Variants in CREB5 observed in about 807,000 individuals in gnomAD.
CREB5 encodes cAMP responsive element binding protein 5.
CREB5 carries 19 observed loss-of-function variants against 57.1 expected under a neutral mutation model. That is an observed-to-expected ratio of 0.33 (90% CI 0.23 to 0.49). CREB5 has a LOEUF of 0.49. Ranked by LOEUF, CREB5 falls within the 20% of genes least tolerant of loss-of-function variation. The pLI, the probability that CREB5 is intolerant of heterozygous loss-of-function variation, is 0.99. For missense variants in CREB5, 579 were observed against 671.6 expected (o/e 0.86, Z 1.52); for synonymous variants, 238 against 238.3 (o/e 1.00, Z 0.01).
chr7:28,410,280 C>A (rs750096149), upstream of CREB5: 2 of 456,390 alleles, frequency 4.4e-6, no homozygotes, highest in Non-Finnish European at 8.8e-6. Context: ...CCTGCCTCCG[C>A]TGCTTTCTTG....
chr7:28,771,559 C>G (rs1806325212), intron 7 of CREB5, among the ~76,000 whole-genome samples: 1 of 152,120 alleles, frequency 6.6e-6, no homozygotes. Context: ...TCTTATCAGG[C>G]TCCCGGTACG....
intron 4 of CREB5, among the ~76,000 whole-genome samples, chr7:28,535,423 A>G (rs1365371391): frequency 7.2e-6 from 1 of 139,082 alleles, no homozygotes; most frequent in Non-Finnish European, 1.6e-5. Context: ...AGAGGGAGGC[A>G]GGGAAGGAAG....
chr7:28,804,612 T>C, intron 8 of CREB5, 90 bp downstream of exon 8: 1 of 1,487,658 alleles, frequency 6.7e-7, no homozygotes, highest in Non-Finnish European at 9.2e-7. Flanking sequence ...GCAATCTTGT[T>C]TGACAAGCCC....
chr7:28,676,469 C>A (rs1800325263), intron 5 of CREB5, among the ~76,000 whole-genome samples: 1 of 152,186 alleles, frequency 6.6e-6, no homozygotes. Flanking sequence ...CCCTTGATGA[C>A]TCACAGGTCG....
At chr7:28,572,419 C>T (rs969033611) in intron 5 of CREB5, among the ~76,000 whole-genome samples, 1 of 152,186 alleles carries the variant, frequency 6.6e-6, no homozygotes, top group Non-Finnish European at 1.5e-5. Context: ...GGAGTAGATT[C>T]ATTAAAGACA....
intron 5 of CREB5, among the ~76,000 whole-genome samples, chr7:28,630,884 T>C (rs140164745): frequency 1.8e-4 from 27 of 152,286 alleles, no homozygotes; most frequent in African/African-American, 6.3e-4. Flanking sequence ...TCCCTTGTAT[T>C]CCAGGCAGAG....
chr7:28,536,796 C>G (rs1347874702), intron 4 of CREB5, among the ~76,000 whole-genome samples: 1 of 152,114 alleles, frequency 6.6e-6, no homozygotes, highest in South Asian at 2.1e-4. Flanking sequence ...AATTCTCATA[C>G]AACCCTAAAA....
At chr7:28,561,953 C>T (rs1348924913) in intron 4 of CREB5, among the ~76,000 whole-genome samples, 2 of 152,220 alleles carry the variant, frequency 1.3e-5, no homozygotes, top group East Asian at 3.9e-4. Context: ...GCCATGTTGG[C>T]CAGGCTGGTC....
At chr7:28,383,914 A>T (rs1057497884) in intron 1 of CREB5, among the ~76,000 whole-genome samples, 1 of 152,172 alleles carries the variant, frequency 6.6e-6, no homozygotes, top group Non-Finnish European at 1.5e-5. Flanking sequence ...TAATATTTAA[A>T]TTTTACTTTT....
intron 7 of CREB5, among the ~76,000 whole-genome samples, chr7:28,794,236 A>T (rs1459829772): frequency 1.3e-5 from 2 of 152,242 alleles, no homozygotes; most frequent in East Asian, 3.8e-4. Flanking sequence ...ATAAGCCCTT[A>T]CCTAAAGTTA....
At chr7:28,612,545 T>G (rs1463539725) in intron 5 of CREB5, among the ~76,000 whole-genome samples, 259 of 43,050 alleles carry the variant, frequency 6.0e-3, no homozygotes, top group African/African-American at 0.034. Context: ...AGAGAAGGGG[T>G]GTGTGTGTGT....
chr7:28,586,417 T>G (rs770640201), intron 5 of CREB5, among the ~76,000 whole-genome samples: 11 of 152,144 alleles, frequency 7.2e-5, no homozygotes, highest in Non-Finnish European at 1.3e-4. Flanking sequence ...TAAAGAAACT[T>G]CCCACAGTTC....
chr7:28,374,817 A>T (rs1263051208), intron 1 of CREB5, among the ~76,000 whole-genome samples: 1 of 152,158 alleles, frequency 6.6e-6, no homozygotes, highest in Non-Finnish European at 1.5e-5. Flanking sequence ...GGGAATATCC[A>T]TCCCAGGTTC....
chr7:28,502,857 T>C (rs1325605409), intron 3 of CREB5, among the ~76,000 whole-genome samples: 2 of 152,172 alleles, frequency 1.3e-5, no homozygotes, highest in African/African-American at 4.8e-5. Context: ...TTTTAACCAT[T>C]GAGGAAAATG....
At chr7:28,789,416 C>T (rs1807532279) in intron 7 of CREB5, among the ~76,000 whole-genome samples, 1 of 152,214 alleles carries the variant, frequency 6.6e-6, no homozygotes, top group Non-Finnish European at 1.5e-5. Flanking sequence ...TCAGTCCCCT[C>T]TCCCCATCCT....
intron 1 of CREB5, among the ~76,000 whole-genome samples, chr7:28,359,227 A>T (rs562840425): frequency 1.6e-4 from 23 of 142,084 alleles, no homozygotes; most frequent in Admixed American, 7.8e-4. Context: ...AAACAAATAA[A>T]AAAAAAAAAG....
At chr7:28,798,571 G>T (rs1385407362) in intron 7 of CREB5, among the ~76,000 whole-genome samples, 2 of 152,230 alleles carry the variant, frequency 1.3e-5, no homozygotes, top group African/African-American at 4.8e-5. Flanking sequence ...GAGGCGAATA[G>T]TTGGTTCCTT....
At chr7:28,772,368 G>A (rs977355680) in intron 7 of CREB5, among the ~76,000 whole-genome samples, 1 of 152,194 alleles carries the variant, frequency 6.6e-6, no homozygotes, top group Non-Finnish European at 1.5e-5. Context: ...ATGGAGAGCA[G>A]GGTGCTCAGG....
intron 5 of CREB5, among the ~76,000 whole-genome samples, chr7:28,661,960 T>C (rs1003250316): frequency 3.3e-5 from 5 of 152,230 alleles, no homozygotes; most frequent in African/African-American, 1.2e-4. Flanking sequence ...AGAAACATCA[T>C]GTAATAGGGA....
Sources: gnomAD v4.1 joint callset for allele counts (sites outside exome capture counted in the v4.1 genomes callset) on GRCh38, gnomAD v4.1.1 for gene constraint, MANE v1.5 for transcripts, NCBI Gene and HGNC (gene_info 2026-07-23, HGNC 2026-07-21) for gene names.